Variants in SUMF2 observed in about 807,000 individuals in gnomAD.
The protein encoded by SUMF2 is sulfatase modifying factor 2.
In SUMF2, 45 loss-of-function variants were observed where a neutral mutation model predicts 44.8. The observed-to-expected ratio is 1.00, with a 90% CI of 0.79 to 1.29. The LOEUF is 1.29. SUMF2 is among the 50% of genes most tolerant of loss of function. The probability of loss-of-function intolerance (pLI) is 0.00; values close to 1 mark genes in which losing one functional copy is unlikely to be tolerated. For synonymous variants in SUMF2, 148 were observed against 150.4 expected, an observed-to-expected ratio of 0.98 and a Z score of 0.12; for missense variants, 418 against 389.9, an observed-to-expected ratio of 1.07 and a Z score of -0.61.
intron 8 of SUMF2, chr7:56,078,895 G>A (rs974965156): frequency 1.4e-4 from 69 of 480,060 alleles, no homozygotes; most frequent in Non-Finnish European, 2.3e-4. Context: ...GTGGGCACAC[G>A]AAAAATCTTT....
chr7:56,083,121 GAAAGAA>G (rs1796095995), downstream of SUMF2: 3 of 596,916 alleles, frequency 5.0e-6, no homozygotes, highest in Non-Finnish European at 8.4e-6. Context: ...AAAAAAAAAA[GAAAGAA>G]AAAGAAAAAA....
rs1795426223 is a variant in SUMF2, at chr7:56,074,749, T to C, written c.535+13T>C. The stretch of plus-strand genomic sequence containing the variant: ...GGGGGCTTGAAGGGTATCCAGATGA[T>C]AAGGCGATTTTCCTTTATTCTTCTC... On this transcript the variant is annotated intron_variant, in intron 5 of 8. Coordinates refer to ENST00000434526, the MANE Select transcript of SUMF2 (RefSeq NM_015411.4). 1 of 1,614,024 alleles carries C rather than the reference T, an allele frequency of 6.2e-7. No individual in the cohort carries two copies. The highest frequency in any genetic ancestry group is 8.5e-7 in the Non-Finnish European group (1 of 1,179,936).
Position 56,074,676 on chromosome 7 carries a change from C to CG in SUMF2, c.479dup (p.Arg162ThrfsTer46). ...TGACGCCCGTGCCTACTGTGCTTGG[C>CG]GGGGAAAACGACTGCCCACGGAGGA... On this transcript the variant is annotated frameshift_variant, in exon 5 of 9. Coordinates refer to ENST00000434526, the MANE Select transcript of SUMF2 (RefSeq NM_015411.4). LOFTEE classifies it high-confidence loss of function. 6.2e-7 allele frequency: 1 copy of CG among 1,614,100 alleles called. No homozygotes were observed. Among genetic ancestry groups the CG allele is most frequent in the Non-Finnish European group, 8.5e-7 (1 of 1,180,022 alleles).
At position 56,074,681 on chromosome 7, in the gene SUMF2, A is replaced by G; in HGVS notation, c.480A>G (p.Gly160=). 6.2e-7 allele frequency: 1 copy of G among 1,614,006 alleles called. No individual in the cohort carries two copies. Among genetic ancestry groups the G allele is most frequent in the South Asian group, 1.1e-5 (1 of 91,054 alleles). The stretch of plus-strand genomic sequence containing the variant: ...CCCGTGCCTACTGTGCTTGGCGGGG[A>G]AAACGACTGCCCACGGAGGAAGAGT... The part of the protein sequence containing the change: ...NDARAYCAWR[G]KRLPTEEEWE... Residue 160 remains glycine, a synonymous_variant, in exon 5 of 9, where the codon GGA becomes GGG. Coordinates refer to ENST00000434526, the MANE Select transcript of SUMF2 (RefSeq NM_015411.4).
At chr7:56,081,293 C>T (rs148231327), downstream of SUMF2, 18 of 1,607,864 alleles carry the variant, frequency 1.1e-5, no homozygotes, top group African/African-American at 2.7e-5. This position sits in a 1 kb window ranked among gnomAD's most constrained non-coding sequence, Gnocchi z 4.6. Context: ...ACGGTCAGAG[C>T]GATCACCTGC....
intron 1 of SUMF2, among the ~76,000 whole-genome samples, chr7:56,067,917 G>T (rs1388227490): frequency 6.9e-6 from 1 of 145,700 alleles, no homozygotes; most frequent in Admixed American, 6.9e-5. Flanking sequence ...AAAAAGACAA[G>T]AAATTGAATC....
downstream of SUMF2, chr7:56,081,118 C>T (rs372047445): frequency 2.0e-5 from 33 of 1,613,578 alleles, no homozygotes; most frequent in African/African-American, 1.5e-4. The surrounding 1 kb of genome is among the most constrained non-coding windows in gnomAD (Gnocchi z 4.6). Flanking sequence ...AAGGGCTGCC[C>T]GGTTCTGCTG....
intron 6 of SUMF2, 123 bp from the exon 7 acceptor site, chr7:56,077,979 C>T (rs1795674000): frequency 1.2e-5 from 9 of 757,970 alleles, no homozygotes; most frequent in Middle Eastern, 3.0e-4. Flanking sequence ...CTTAGGTCAC[C>T]GCCCCGTGCC....
Position 56,079,536 on chromosome 7 carries a change from A to AC in SUMF2, c.831dup (p.Thr278HisfsTer37). On this transcript the variant is annotated frameshift_variant, in exon 9 of 9. Transcript: ENST00000434526. LOFTEE classifies it high-confidence loss of function. Reference sequence around the variant, plus strand: ...CCCTTCTCTGCTGGCAGGATGGGCAACACTCCAGATTCAGCCTCAGACAAC... The same window carrying AC: ...CCCTTCTCTGCTGGCAGGATGGGCAACCACTCCAGATTCAGCCTCAGACAAC... The AC allele has an allele frequency of 6.2e-7, 1 of 1,612,258 alleles. No homozygotes were observed. Among genetic ancestry groups the AC allele is most frequent in the Non-Finnish European group, 8.5e-7 (1 of 1,178,586 alleles).
intron 1 of SUMF2, among the ~76,000 whole-genome samples, chr7:56,065,479 T>C (rs1367832820): frequency 6.6e-6 from 1 of 152,248 alleles, no homozygotes; most frequent in Non-Finnish European, 1.5e-5. Flanking sequence ...ATCTCATAAA[T>C]GGTTTTTAAC....
chr7:56,076,925 CAG>C, intron 6 of SUMF2, 36 bp downstream of exon 6: 1 of 1,586,904 alleles, frequency 6.3e-7, no homozygotes, highest in Non-Finnish European at 8.6e-7. Context: ...CAAGCATTGA[CAG>C]AGACCTGCTG....
rs569156702 is a variant in SUMF2 at position 56,079,681 on chromosome 7, G to T, written c.*69G>T. The T allele has an allele frequency of 3.1e-6, 5 of 1,613,986 alleles. No homozygotes were observed. The Admixed American group carries it at 8.3e-5, about 27-fold the overall frequency. ...TCATTCCCTGGCCATGTTGCAAACA[G>T]CGCAATTCCAAGCTCGAGAGCTTCA... On this transcript the variant is annotated 3_prime_UTR_variant, in exon 9 of 9. Coordinates refer to ENST00000434526, the MANE Select transcript of SUMF2 (RefSeq NM_015411.4).
chr7:56,074,943 C>T (rs566159521), intron 5 of SUMF2, among the ~76,000 whole-genome samples: 190 of 152,112 alleles, frequency 1.2e-3, no homozygotes, highest in African/African-American at 4.5e-3. Context: ...CCGAAAAATA[C>T]AAAAATGAGC....
chr7:56,074,657 C>CCGTGCCTA lies in SUMF2; in HGVS notation c.458_465dup (p.Cys156ValfsTer25). On this transcript the variant is annotated frameshift_variant, in exon 5 of 9. Transcript: ENST00000434526. LOFTEE classifies it high-confidence loss of function. ...TGTTACACGTGAGCTGGAATGACGC[C>CCGTGCCTA]CGTGCCTACTGTGCTTGGCGGGGAA... The CCGTGCCTA allele has an allele frequency of 6.2e-7, 1 of 1,614,178 alleles. No individual in the cohort carries two copies. The highest frequency in any genetic ancestry group is 8.5e-7 in the Non-Finnish European group (1 of 1,180,040).
intron 4 of SUMF2, 75 bp downstream of exon 4, chr7:56,074,293 C>G (rs1004223089): frequency 7.0e-7 from 1 of 1,423,696 alleles, no homozygotes; most frequent in African/African-American, 1.4e-5. Flanking sequence ...TCCTCTCTAC[C>G]CCTCGTACAT....
downstream of SUMF2, chr7:56,084,157 G>A: frequency 6.6e-7 from 1 of 1,526,274 alleles, no homozygotes; most frequent in Non-Finnish European, 8.8e-7. Context: ...ACCTTGCCCT[G>A]CCCTGGGCCC....
chr7:56,067,345 C>G (rs1794871934), intron 1 of SUMF2, among the ~76,000 whole-genome samples: 1 of 151,840 alleles, frequency 6.6e-6, no homozygotes, highest in Admixed American at 6.6e-5. Context: ...GACAGGGTCT[C>G]ACTCTGTCAC....
chr7:56,086,687 A>G, the SUMF2 span, among the ~76,000 whole-genome samples: 8 of 152,024 alleles, frequency 5.3e-5, no homozygotes, highest in African/African-American at 1.7e-4. Flanking sequence ...TGTAGCTAAT[A>G]ATTATTAGTA....
chr7:56,082,026 A>T, downstream of SUMF2: 3 of 1,613,654 alleles, frequency 1.9e-6, no homozygotes, highest in African/African-American at 1.3e-5. Context: ...CAGCGTGTAC[A>T]TGATGACGCC....
Sources: gnomAD v4.1 joint callset for allele counts (sites outside exome capture counted in the v4.1 genomes callset) on GRCh38, gnomAD v4.1.1 for gene constraint, Gnocchi (gnomAD v3.1) non-coding constraint, MANE v1.5 for transcripts, NCBI Gene and HGNC (gene_info 2026-07-23, HGNC 2026-07-21) for gene names.